The following ZNF831 variants were observed in gnomAD, a reference collection of about 807,000 sequenced individuals.
ZNF831 encodes zinc finger protein 831, also known as chromosome 20 open reading frame 174.
In ZNF831, 59 loss-of-function variants were observed where a neutral mutation model predicts 95.8. The ratio of observed to expected loss-of-function variants is 0.62; its 90% CI spans 0.50 to 0.77. The LOEUF (loss-of-function observed/expected upper bound fraction) is 0.77. ZNF831 is among the 30% of genes least tolerant of loss of function. The pLI is 0.00. For missense variants in ZNF831, 2,205 were observed against 2,164.0 expected (o/e 1.02, Z -0.38); for synonymous variants, 961 against 925.5 (o/e 1.04, Z -0.70).
chr20:59,225,237 C>T (rs56357143), intron 4 of ZNF831, among the ~76,000 whole-genome samples: 1,999 of 152,304 alleles, frequency 0.013, 12 homozygotes, highest in South Asian at 0.029. Flanking sequence ...CTGGAAGTCT[C>T]CTTGAAGAAG....
At chr20:59,199,824 T>C (rs186478053) in intron 3 of ZNF831, among the ~76,000 whole-genome samples, 311 of 152,340 alleles carry the variant, frequency 2.0e-3, no homozygotes, top group African/African-American at 7.2e-3. Context: ...TTTTCATTTG[T>C]TTCTGCATGT....
chr20:59,151,704 T>C (rs1980246598), intron 2 of ZNF831, among the ~76,000 whole-genome samples: 2 of 152,122 alleles, frequency 1.3e-5, no homozygotes, highest in South Asian at 2.1e-4. Flanking sequence ...TTTATGGAGA[T>C]TTGTAGTAGT....
At chr20:59,200,865 T>G (rs979808619) in intron 3 of ZNF831, among the ~76,000 whole-genome samples, 1 of 152,152 alleles carries the variant, frequency 6.6e-6, no homozygotes, top group African/African-American at 2.4e-5. Context: ...ATGTCACAAT[T>G]TGTATACATG....
At chr20:59,161,286 GT>G (rs987523945), upstream of ZNF831, among the ~76,000 whole-genome samples, 2 of 147,920 alleles carry the variant, frequency 1.4e-5, no homozygotes, top group African/African-American at 2.5e-5. Flanking sequence ...GTTTTTTTTT[GT>G]TTTTTTTTGA....
chr20:59,189,464 G>A (rs1206635477), intron 1 of ZNF831, among the ~76,000 whole-genome samples: 1 of 152,108 alleles, frequency 6.6e-6, no homozygotes, highest in East Asian at 1.9e-4. Context: ...AGTGGTATGA[G>A]CCAGCTCAAT....
chr20:59,172,014 A>G (rs1373137151), intron 1 of ZNF831, among the ~76,000 whole-genome samples: 1 of 152,190 alleles, frequency 6.6e-6, no homozygotes, highest in Non-Finnish European at 1.5e-5. Context: ...TGGCAATAGT[A>G]GAGTGTCCTT....
rs549277855 is a variant in ZNF831, at chr20:59,154,087, G to A, written c.-1280-5565G>A. On this transcript the variant is annotated intron_variant, in intron 2 of 7. Coordinates refer to the ZNF831 transcript ENST00000637017. ...GCAGCTCTCACTTTTGAAGATCTTA[G>A]AGTCCAGAGAGCTAAGCTAAATCCA... Among the ~76,000 whole-genome samples the A allele has an allele frequency of 9.7e-4, 148 of 152,278 alleles. 1 individual carries two copies. Among genetic ancestry groups the A allele is most frequent in the African/African-American group, 3.4e-3 (140 of 41,556 alleles).
At chr20:59,178,722 A>G (rs534502256) in intron 1 of ZNF831, among the ~76,000 whole-genome samples, 4 of 152,330 alleles carry the variant, frequency 2.6e-5, no homozygotes, top group Non-Finnish European at 5.9e-5. Flanking sequence ...AAAAACATGT[A>G]TTTATTGATT....
At chr20:59,226,426 C>G (rs1986436551) in intron 4 of ZNF831, among the ~76,000 whole-genome samples, 1 of 152,050 alleles carries the variant, frequency 6.6e-6, no homozygotes, top group South Asian at 2.1e-4. Context: ...TCTTACCCCT[C>G]CCTGCTTCCC....
chr20:59,181,689 G>A (rs1471520403), intron 1 of ZNF831, among the ~76,000 whole-genome samples: 2 of 151,854 alleles, frequency 1.3e-5, no homozygotes, highest in Admixed American at 6.6e-5. Flanking sequence ...GATGTGTGGT[G>A]TTATTTCTGA....
At chr20:59,146,792 A>G (rs1465884095) in intron 2 of ZNF831, 1 of 152,254 alleles carries the variant, frequency 6.6e-6, no homozygotes, top group African/African-American at 2.4e-5. Context: ...GGTGGCCCCA[A>G]GCCCAGTAAC....
rs1018685125 is a variant in ZNF831, at chr20:59,192,162, G to A, written c.1143G>A (p.Pro381=). ...CCGAGGGGGAGGGCGGCCCGGGCCC[G>A]GGGCCAGGGGTCGCAGGGGCCGAGC... ...AESEGEGGPG[P]GPGVAGAEPG... Residue 381 remains proline (P), a synonymous_variant, in exon 2 of 6, where the codon CCG becomes CCA. Transcript: ENST00000371030. This position sits in a 1 kb window ranked among gnomAD's most constrained non-coding sequence, Gnocchi z 5.2. 4 of 1,556,188 alleles carry A rather than the reference G, an allele frequency of 2.6e-6. No individual in the cohort carries two copies. The highest frequency in any genetic ancestry group is 3.5e-6 in the Non-Finnish European group (4 of 1,157,672).
intron 4 of ZNF831, among the ~76,000 whole-genome samples, chr20:59,244,746 T>C: frequency 6.6e-6 from 1 of 152,216 alleles, no homozygotes; most frequent in East Asian, 1.9e-4. Flanking sequence ...TAATCGCCAA[T>C]TCTTTTCTTC....
At chr20:59,171,016 C>A (rs748869298) in intron 1 of ZNF831, among the ~76,000 whole-genome samples, 16 of 152,174 alleles carry the variant, frequency 1.1e-4, no homozygotes, top group Non-Finnish European at 1.9e-4. Flanking sequence ...GCAGAAGGAG[C>A]AGATCCATGT....
chr20:59,133,940 C>T (rs183905057), intron 1 of ZNF831, among the ~76,000 whole-genome samples: 104 of 152,322 alleles, frequency 6.8e-4, no homozygotes, highest in East Asian at 3.7e-3. Context: ...TGGGATAAGA[C>T]GATGATAAGC....
At chr20:59,181,447 C>T (rs1332902641) in intron 1 of ZNF831, among the ~76,000 whole-genome samples, 1 of 152,144 alleles carries the variant, frequency 6.6e-6, no homozygotes, top group Non-Finnish European at 1.5e-5. Context: ...AGTCTTTGCC[C>T]ATGCCTGTGT....
Position 59,193,326 on chromosome 20 carries a change from A to T in ZNF831, c.2307A>T (p.Lys769Asn). The change falls in exon 2 of 6, where the codon AAA becomes AAT. Residue 769 changes from lysine to asparagine, a missense_variant. Coordinates refer to ENST00000371030, the MANE Select transcript of ZNF831 (RefSeq NM_178457.3). ...TGCCCCCAGCACCTGGCCCCCTCAA[A>T]GGGGGTGATGTAGAGGCTCCCAGGC... ...WQMPPAPGPLKGGDVEAPRPV... is the reference protein window; with the variant it reads ...WQMPPAPGPLNGGDVEAPRPV... 1 of 1,613,180 alleles carries T rather than the reference A, an allele frequency of 6.2e-7. No individual in the cohort carries two copies. The highest frequency in any genetic ancestry group is 8.5e-7 in the Non-Finnish European group (1 of 1,179,614).
At chr20:59,154,741 A>C (rs1568728817) in intron 2 of ZNF831, among the ~76,000 whole-genome samples, 1 of 152,204 alleles carries the variant, frequency 6.6e-6, no homozygotes, top group Non-Finnish European at 1.5e-5. Flanking sequence ...TCTGCATTGC[A>C]GGGAAGAGTG....
intron 4 of ZNF831, among the ~76,000 whole-genome samples, chr20:59,216,791 A>T (rs985488893): frequency 2.9e-4 from 44 of 152,046 alleles, no homozygotes; most frequent in Non-Finnish European, 4.7e-4. Context: ...GGGGCCTGAA[A>T]TTTTTTTCCT....
Sources: allele counts gnomAD v4.1 joint callset (sites outside exome capture counted in the v4.1 genomes callset), GRCh38; gene constraint gnomAD v4.1.1; non-coding constraint Gnocchi (gnomAD v3.1); transcripts MANE v1.5; gene names NCBI Gene and HGNC (gene_info 2026-07-23, HGNC 2026-07-21).